Variants in SVIL observed in about 807,000 individuals in gnomAD.
The protein encoded by SVIL is supervillin, also known as archvillin.
Under a neutral mutation model 240.4 loss-of-function variants are expected in SVIL, and 101 were observed. The observed-to-expected ratio is 0.42, with a 90% CI of 0.36 to 0.50. SVIL has a LOEUF of 0.50. SVIL is among the 20% of genes least tolerant of loss of function. The pLI is 0.01. For synonymous variants in SVIL, 999 were observed against 1,100.0 expected, an observed-to-expected ratio of 0.91 and a Z score of 1.82; for missense variants, 2,512 against 2,818.7, an observed-to-expected ratio of 0.89 and a Z score of 2.46.
At chr10:29,628,474 C>G (rs1957958522) in intron 1 of SVIL, among the ~76,000 whole-genome samples, 1 of 152,166 alleles carries the variant, frequency 6.6e-6, no homozygotes, top group Non-Finnish European at 1.5e-5. Context: ...CTGTATCTAT[C>G]CATCCAAGCC....
At chr10:29,624,410 C>T (rs1363019274) in intron 1 of SVIL, among the ~76,000 whole-genome samples, 1 of 152,078 alleles carries the variant, frequency 6.6e-6, no homozygotes, top group Non-Finnish European at 1.5e-5. Flanking sequence ...TGGTGGCACA[C>T]ACCTGTAATC....
At chr10:29,688,032 T>TA (rs1392812001) in intron 1 of SVIL, among the ~76,000 whole-genome samples, 4 of 152,190 alleles carry the variant, frequency 2.6e-5, no homozygotes, top group African/African-American at 9.6e-5. Context: ...GAAGCAGCAA[T>TA]GACACTTTCC....
chr10:29,512,230 T>C (rs1171002270), intron 17 of SVIL, among the ~76,000 whole-genome samples: 2 of 152,242 alleles, frequency 1.3e-5, no homozygotes, highest in African/African-American at 2.4e-5. Context: ...TATACATTAC[T>C]GTACATTCTC....
At chr10:29,598,644 A>G (rs1258011290) in intron 1 of SVIL, among the ~76,000 whole-genome samples, 1 of 152,190 alleles carries the variant, frequency 6.6e-6, no homozygotes, top group Non-Finnish European at 1.5e-5. Context: ...GTTTCAGTGG[A>G]GATTCCTCAG....
rs776408495 is a variant in SVIL, at chr10:29,480,624, A to G, written c.5290T>C (p.Tyr1764His). 1.2e-6 allele frequency: 2 copies of G among 1,614,192 alleles called. No homozygotes were observed. Among genetic ancestry groups the G allele is most frequent in the South Asian group, 2.2e-5 (2 of 91,086 alleles). ...VDVWHILEFDYSRLPKQSIGQ... is the reference protein window; with the variant it reads ...VDVWHILEFDHSRLPKQSIGQ... The stretch of plus-strand genomic sequence containing the variant: ...ATGCTTTGTTTGGGGAGCCTGCTAT[A>G]GTCGAATTCCAGGATGTGCCAGACA... Residue 1764 changes from tyrosine to histidine, a missense_variant, in exon 29 of 38, where the codon TAT becomes CAT. This residue lies in a region of SVIL where 797 missense variants were observed against 925.3 expected (regional missense o/e 0.86). Coordinates refer to ENST00000355867, the MANE Select transcript of SVIL (RefSeq NM_021738.3).
intron 2 of SVIL, among the ~76,000 whole-genome samples, chr10:29,672,511 T>C (rs745828870): frequency 2.6e-5 from 4 of 152,220 alleles, no homozygotes; most frequent in Non-Finnish European, 4.4e-5. Flanking sequence ...AATGCCACTC[T>C]GGGTGGCTTT....
At chr10:29,687,092 TG>T (rs1229393114) in intron 1 of SVIL, among the ~76,000 whole-genome samples, 1 of 152,242 alleles carries the variant, frequency 6.6e-6, no homozygotes, top group African/African-American at 2.4e-5. Flanking sequence ...GCCTCAGGAC[TG>T]CCTCCATAGG....
intron 1 of SVIL, among the ~76,000 whole-genome samples, chr10:29,709,200 G>T (rs1963111500): frequency 6.6e-6 from 1 of 152,152 alleles, no homozygotes; most frequent in Admixed American, 6.5e-5. Context: ...TCAGATTTCA[G>T]ACGTTTTTGG....
chr10:29,708,085 G>T (rs1206372859), intron 1 of SVIL, among the ~76,000 whole-genome samples: 1 of 151,310 alleles, frequency 6.6e-6, no homozygotes, highest in Non-Finnish European at 1.5e-5. Context: ...GTGAAACCCC[G>T]TCTCCACTAA....
rs1326720871 is a variant in SVIL, at chr10:29,719,440, T to TC, written c.-400+16310dup. Among the ~76,000 whole-genome samples, 7 of 151,842 alleles carry TC rather than the reference T, an allele frequency of 4.6e-5. No homozygotes were observed. The East Asian group carries it at 9.7e-4, about 21-fold the overall frequency. Reference sequence around the variant, plus strand: ...AAAACAAAGCTCAACAATATTTCCATCCCCCCAGAAGATAACATTGCAATG... The same window carrying TC: ...AAAACAAAGCTCAACAATATTTCCATCCCCCCCAGAAGATAACATTGCAATG... On this transcript the variant is annotated intron_variant, in intron 1 of 35. Coordinates refer to the SVIL transcript ENST00000375400.
intron 17 of SVIL, among the ~76,000 whole-genome samples, chr10:29,506,800 G>T (rs1229832955): frequency 7.4e-6 from 1 of 135,594 alleles, no homozygotes; most frequent in Non-Finnish European, 1.7e-5. Context: ...CTATGAGGGA[G>T]GGGACAGAGG....
intron 1 of SVIL, among the ~76,000 whole-genome samples, chr10:29,600,221 T>C (rs1460421800): frequency 2.0e-5 from 3 of 152,086 alleles, no homozygotes; most frequent in Non-Finnish European, 4.4e-5. Flanking sequence ...GCTCGTTACA[T>C]GAATCACTGA....
intron 1 of SVIL, chr10:29,576,053 A>G: frequency 1.0e-6 from 1 of 972,288 alleles, no homozygotes; most frequent in African/African-American, 1.8e-5. Flanking sequence ...GTGTTTTCCC[A>G]TGAAACTTGA....
chr10:29,474,099 C>G, intron 29 of SVIL, 110 bp from the exon 30 acceptor site: 2 of 1,439,722 alleles, frequency 1.4e-6, no homozygotes, highest in South Asian at 2.7e-5. Flanking sequence ...CAAAGAGCCT[C>G]GGACCTAGGG....
At chr10:29,627,699 C>A (rs1256419549) in intron 1 of SVIL, among the ~76,000 whole-genome samples, 2 of 152,284 alleles carry the variant, frequency 1.3e-5, no homozygotes, top group East Asian at 1.9e-4. Flanking sequence ...GGAGTGAAGA[C>A]CTGATACAAA....
chr10:29,609,658 C>A (rs11592129), intron 1 of SVIL, among the ~76,000 whole-genome samples: 1 of 151,868 alleles, frequency 6.6e-6, no homozygotes, highest in Non-Finnish European at 1.5e-5. Flanking sequence ...ACATTCCCCT[C>A]ATCCAGACGC....
At chr10:29,618,875 C>T (rs1957524380) in intron 1 of SVIL, among the ~76,000 whole-genome samples, 2 of 152,116 alleles carry the variant, frequency 1.3e-5, no homozygotes, top group Admixed American at 6.6e-5. Flanking sequence ...CATAGGCCAC[C>T]GTAGACAGCT....
intron 3 of SVIL, among the ~76,000 whole-genome samples, chr10:29,559,919 G>T (rs1564639794): frequency 6.6e-6 from 1 of 152,146 alleles, no homozygotes; most frequent in Non-Finnish European, 1.5e-5. Flanking sequence ...AGACAATTTG[G>T]TCTGCAGGGT....
intron 3 of SVIL, among the ~76,000 whole-genome samples, chr10:29,652,265 G>T (rs1958863587): frequency 6.6e-6 from 1 of 152,112 alleles, no homozygotes; most frequent in African/African-American, 2.4e-5. Flanking sequence ...CTATGGATTT[G>T]CCTGTTCTAG....
Sources: gnomAD v4.1 joint callset for allele counts (sites outside exome capture counted in the v4.1 genomes callset) on GRCh38, gnomAD v4.1.1 for gene constraint, gnomAD v4.1.1 regional missense constraint, MANE v1.5 for transcripts, NCBI Gene and HGNC (gene_info 2026-07-23, HGNC 2026-07-21) for gene names.